Variants in C1orf21 observed in about 807,000 individuals in gnomAD.
The protein encoded by C1orf21 is chromosome 1 open reading frame 21.
Under a neutral mutation model 18.7 loss-of-function variants are expected in C1orf21, and 3 were observed. The observed-to-expected ratio is 0.16, with a 90% CI of 0.07 to 0.42. The LOEUF is 0.42. Among genes scored for constraint, C1orf21 ranks in the 10% least tolerant of loss-of-function variants. The pLI is 0.99. For synonymous variants in C1orf21, 41 were observed against 46.4 expected (o/e 0.88, Z 0.47); for missense variants, 104 against 143.6 (o/e 0.72, Z 1.41).
chr1:184,494,082 A>G (rs971036641), intron 2 of C1orf21, among the ~76,000 whole-genome samples: 3 of 152,354 alleles, frequency 2.0e-5, no homozygotes, highest in Admixed American at 6.5e-5. Flanking sequence ...GAAAAGTGTC[A>G]TGAGAATACA....
intron 1 of C1orf21, among the ~76,000 whole-genome samples, chr1:184,436,893 C>T (rs1193233204): frequency 2.6e-5 from 4 of 152,066 alleles, no homozygotes; most frequent in Admixed American, 6.6e-5. Context: ...TACTGATAAC[C>T]AACCATATCA....
chr1:184,593,746 G>C (rs185984915), intron 4 of C1orf21, among the ~76,000 whole-genome samples: 5 of 152,314 alleles, frequency 3.3e-5, no homozygotes, highest in African/African-American at 1.2e-4. Context: ...TTTAACAGGA[G>C]GTTGCGTGAA....
intron 1 of C1orf21, among the ~76,000 whole-genome samples, chr1:184,445,374 C>CTCTT (rs397756995): frequency 3.3e-5 from 5 of 151,090 alleles, no homozygotes; most frequent in Admixed American, 6.6e-5. Flanking sequence ...CTCTCTCTCT[C>CTCTT]GCAAGGAGCT....
At chr1:184,497,199 C>T (rs983899592) in intron 2 of C1orf21, among the ~76,000 whole-genome samples, 13 of 152,174 alleles carry the variant, frequency 8.5e-5, no homozygotes, top group African/African-American at 1.9e-4. Context: ...TTCAAGCTTC[C>T]CAGGTTGTGG....
Position 184,626,043 on chromosome 1 carries a change from G to A in C1orf21, c.*6487G>A, listed in dbSNP as rs1660004344. On this transcript the variant is annotated 3_prime_UTR_variant, in exon 6 of 6. Transcript: ENST00000235307. ...GTGGAGTTGGGGTCCCTTCATCTAGGTTGACCCAGGTATAGCATTTTTAGC... is the reference window on the plus strand; with the variant it reads ...GTGGAGTTGGGGTCCCTTCATCTAGATTGACCCAGGTATAGCATTTTTAGC... 6.6e-6 allele frequency: 1 copy of A among 152,122 alleles called. No individual in the cohort carries two copies. The highest frequency in any genetic ancestry group is 2.4e-5 in the African/African-American group (1 of 41,416). 9.4% of individuals were successfully genotyped at this position (152,122 alleles called of 1,614,324 possible). A position where few individuals can be genotyped will look rare whatever the true frequency, so the allele number is the denominator to read the frequency against.
intron 1 of C1orf21, among the ~76,000 whole-genome samples, chr1:184,469,235 G>T (rs142033315): frequency 2.0e-5 from 3 of 152,284 alleles, no homozygotes; most frequent in Non-Finnish European, 4.4e-5. Flanking sequence ...GGGTGACAGA[G>T]TGAGACTCTG....
At chr1:184,418,467 G>A (rs1219457837) in intron 1 of C1orf21, among the ~76,000 whole-genome samples, 2 of 152,130 alleles carry the variant, frequency 1.3e-5, no homozygotes, top group Non-Finnish European at 2.9e-5. Flanking sequence ...ACCTGCCTTG[G>A]CCTCTCAAAG....
intron 1 of C1orf21, among the ~76,000 whole-genome samples, chr1:184,408,949 C>G (rs1656289828): frequency 6.6e-6 from 1 of 152,202 alleles, no homozygotes; most frequent in African/African-American, 2.4e-5. Context: ...AAGTCTGTGC[C>G]TTAATCACAT....
intron 1 of C1orf21, among the ~76,000 whole-genome samples, chr1:184,413,591 CTA>C (rs1656395359): frequency 6.6e-6 from 1 of 152,158 alleles, no homozygotes; most frequent in Non-Finnish European, 1.5e-5. Flanking sequence ...CACCAGAAAA[CTA>C]TGTTTCTGAA....
intron 3 of C1orf21, among the ~76,000 whole-genome samples, chr1:184,551,722 G>A (rs1164569335): frequency 6.6e-6 from 1 of 152,114 alleles, no homozygotes; most frequent in African/African-American, 2.4e-5. Context: ...GGGGCTTTGG[G>A]GGTCCAGGGT....
chr1:184,571,474 A>G (rs1659111782), intron 3 of C1orf21, among the ~76,000 whole-genome samples: 1 of 152,190 alleles, frequency 6.6e-6, no homozygotes, highest in Non-Finnish European at 1.5e-5. Context: ...TACTTGGTCA[A>G]CTTGAATGAC....
chr1:184,573,162 A>G (rs1194751710), intron 3 of C1orf21, among the ~76,000 whole-genome samples: 3 of 152,140 alleles, frequency 2.0e-5, no homozygotes, highest in African/African-American at 7.2e-5. Flanking sequence ...ACCCTTTTCC[A>G]TTTACCCTGA....
intron 1 of C1orf21, among the ~76,000 whole-genome samples, chr1:184,455,511 C>T (rs1287619138): frequency 6.6e-6 from 1 of 152,184 alleles, no homozygotes; most frequent in Non-Finnish European, 1.5e-5. Flanking sequence ...GACATCCAAT[C>T]TCCTCCCATC....
intron 1 of C1orf21, among the ~76,000 whole-genome samples, chr1:184,445,343 CCTCTCTCTCTCTCT>C (rs57710614): frequency 3.7e-5 from 5 of 134,844 alleles, no homozygotes; most frequent in South Asian, 2.4e-4. Flanking sequence ...TTTTTTCAGA[CCTCTCTCTCTCTCT>C]CTCTCTCTCT....
chr1:184,606,499 G>A (rs1659648906), intron 5 of C1orf21, among the ~76,000 whole-genome samples: 1 of 152,218 alleles, frequency 6.6e-6, no homozygotes, highest in African/African-American at 2.4e-5. Flanking sequence ...AGGATCACTT[G>A]AGCCCAGGAG....
intron 2 of C1orf21, among the ~76,000 whole-genome samples, chr1:184,482,932 T>G (rs1306036211): frequency 6.6e-6 from 1 of 152,240 alleles, no homozygotes; most frequent in East Asian, 1.9e-4. Context: ...TTCTGTAGCA[T>G]GTTCCACCAT....
intron 3 of C1orf21, among the ~76,000 whole-genome samples, chr1:184,587,113 G>A (rs992572906): frequency 6.6e-6 from 1 of 152,074 alleles, no homozygotes; most frequent in Admixed American, 6.5e-5. Flanking sequence ...GCTTATTTCT[G>A]GGTTCTCTGT....
chr1:184,531,811 A>G (rs1360693016), intron 3 of C1orf21, among the ~76,000 whole-genome samples: 1 of 152,158 alleles, frequency 6.6e-6, no homozygotes, highest in East Asian at 1.9e-4. Context: ...AGGAATTAAC[A>G]GTGCACTTCC....
At chr1:184,393,982 G>A (rs972915822) in intron 1 of C1orf21, among the ~76,000 whole-genome samples, 11 of 152,152 alleles carry the variant, frequency 7.2e-5, no homozygotes, top group Non-Finnish European at 1.6e-4. Context: ...AGATTCTTTA[G>A]CTAACACCTA....
Sources: gnomAD v4.1 joint callset for allele counts (sites outside exome capture counted in the v4.1 genomes callset) on GRCh38, gnomAD v4.1.1 for gene constraint, MANE v1.5 for transcripts, NCBI Gene and HGNC (gene_info 2026-07-23, HGNC 2026-07-21) for gene names.